The following MYO16 variants were observed in gnomAD, a reference collection of about 807,000 sequenced individuals.
MYO16 encodes unconventional myosin-XVI.
Under a neutral mutation model 205.3 loss-of-function variants are expected in MYO16, and 94 were observed. The ratio of observed to expected loss-of-function variants is 0.46; its 90% CI spans 0.39 to 0.54. MYO16 has a LOEUF of 0.54. Ranked by LOEUF, MYO16 falls within the 20% of genes least tolerant of loss-of-function variation. The pLI, the probability that MYO16 is intolerant of heterozygous loss-of-function variation, is 0.00. For synonymous variants in MYO16, 988 were observed against 954.0 expected (o/e 1.04, Z -0.66); for missense variants, 2,315 against 2,387.5 (o/e 0.97, Z 0.63).
intron 27 of MYO16, among the ~76,000 whole-genome samples, chr13:109,078,005 C>T (rs1216794340): frequency 6.6e-6 from 1 of 152,056 alleles, no homozygotes; most frequent in Non-Finnish European, 1.5e-5. Flanking sequence ...GTTTCTATTA[C>T]TATCTCTTCA....
the MYO16 span, among the ~76,000 whole-genome samples, chr13:108,575,137 G>A: frequency 6.6e-6 from 1 of 152,166 alleles, no homozygotes; most frequent in Non-Finnish European, 1.5e-5. Context: ...ATCCTATGAT[G>A]ACCTTTGAAT....
Position 108,749,170 on chromosome 13 carries a change from GA to G in MYO16, c.507+21589del, listed in dbSNP as rs1192241179. 5.3e-5 allele frequency among the ~76,000 whole-genome samples: 8 copies of G among 151,758 alleles called. No homozygotes were observed. The South Asian group carries it at 8.3e-4, about 16-fold the overall frequency. ...ACAAACTTATTATTTTTTGCAGTGA[GA>G]ACACTGAAAATATTAGCAATCCTCA... On this transcript the variant is annotated intron_variant, in intron 4 of 34. Transcript: ENST00000457511.
chr13:109,045,708 C>G (rs1183307287), intron 23 of MYO16, among the ~76,000 whole-genome samples: 1 of 152,148 alleles, frequency 6.6e-6, no homozygotes, highest in Admixed American at 6.5e-5. Flanking sequence ...GTGGCAGATG[C>G]AAATATAAAA....
intron 32 of MYO16, among the ~76,000 whole-genome samples, chr13:109,146,631 AC>A (rs1369067041): frequency 4.6e-5 from 7 of 152,038 alleles, no homozygotes; most frequent in African/African-American, 1.4e-4. Flanking sequence ...TACAAAAAAA[AC>A]AATAATGATA....
chr13:108,991,739 A>G (rs936771928), intron 20 of MYO16, among the ~76,000 whole-genome samples: 1 of 152,238 alleles, frequency 6.6e-6, no homozygotes, highest in African/African-American at 2.4e-5. Context: ...GCATAGCATG[A>G]GAAGACACAA....
chr13:108,718,215 T>C (rs1405459069), intron 3 of MYO16, among the ~76,000 whole-genome samples: 1 of 152,156 alleles, frequency 6.6e-6, no homozygotes, highest in Non-Finnish European at 1.5e-5. Flanking sequence ...AGAAATATCT[T>C]ATTTTTAAAA....
chr13:109,157,361 C>T (rs1452052729), intron 32 of MYO16, among the ~76,000 whole-genome samples: 1 of 152,060 alleles, frequency 6.6e-6, no homozygotes, highest in African/African-American at 2.4e-5. Flanking sequence ...GCTCCCACTT[C>T]CCGGTGCGGA....
chr13:109,045,900 A>G (rs427329), intron 23 of MYO16, among the ~76,000 whole-genome samples: 2 of 152,084 alleles, frequency 1.3e-5, no homozygotes, highest in African/African-American at 2.4e-5. Context: ...CATCCATACT[A>G]CCTCATGGGT....
chr13:109,104,347 T>C (rs1162325564), intron 28 of MYO16, among the ~76,000 whole-genome samples: 1 of 152,186 alleles, frequency 6.6e-6, no homozygotes, highest in East Asian at 1.9e-4. Context: ...CAGTGTCTTT[T>C]TTATGTTTAT....
chr13:109,169,336 T>A (rs1433418404), intron 33 of MYO16, among the ~76,000 whole-genome samples: 4 of 151,838 alleles, frequency 2.6e-5, no homozygotes, highest in Non-Finnish European at 4.4e-5. Flanking sequence ...ATGATAGTGA[T>A]AATAAGAACA....
At chr13:108,869,696 A>T (rs112863698) in intron 12 of MYO16, among the ~76,000 whole-genome samples, 1 of 135,028 alleles carries the variant, frequency 7.4e-6, no homozygotes. Context: ...GTGCCACTGC[A>T]CTCCAGCCTG....
At chr13:108,570,521 A>G in the MYO16 span, among the ~76,000 whole-genome samples, 1 of 152,206 alleles carries the variant, frequency 6.6e-6, no homozygotes. Context: ...AAGTGCTGAA[A>G]TTATAGATGT....
the MYO16 span, among the ~76,000 whole-genome samples, chr13:108,507,401 G>A: frequency 6.6e-6 from 1 of 151,592 alleles, no homozygotes; most frequent in Non-Finnish European, 1.5e-5. Flanking sequence ...TAATATTCTT[G>A]CTTGCTAGGT....
chr13:108,633,109 C>A (rs1420000915), intron 1 of MYO16, among the ~76,000 whole-genome samples: 1 of 152,118 alleles, frequency 6.6e-6, no homozygotes, highest in Non-Finnish European at 1.5e-5. Flanking sequence ...AATGAATATT[C>A]TCCAGAGCTG....
chr13:108,717,793 C>T (rs1231189240), intron 3 of MYO16, among the ~76,000 whole-genome samples: 1 of 151,880 alleles, frequency 6.6e-6, no homozygotes, highest in East Asian at 1.9e-4. Context: ...ATCTTGAAGA[C>T]CAGATAAGAA....
chr13:108,743,947 A>G (rs1884984307), intron 4 of MYO16, among the ~76,000 whole-genome samples: 6 of 152,176 alleles, frequency 3.9e-5, no homozygotes, highest in Admixed American at 3.3e-4. Context: ...CCTTTTCATC[A>G]CTTCAATTTC....
chr13:108,744,226 G>T (rs1044463254), intron 4 of MYO16, among the ~76,000 whole-genome samples: 1 of 152,034 alleles, frequency 6.6e-6, no homozygotes, highest in Non-Finnish European at 1.5e-5. Context: ...ACTAAGAAAC[G>T]ATTGATTTTT....
At chr13:108,579,273 C>T in the MYO16 span, among the ~76,000 whole-genome samples, 5 of 152,062 alleles carry the variant, frequency 3.3e-5, no homozygotes, top group Non-Finnish European at 5.9e-5. Flanking sequence ...TCACCATTGC[C>T]TTGCAATAAC....
rs563134876 is a variant in MYO16, at chr13:108,700,507, A to C, written c.293-12154A>C. ...CAGCAGCCTTGCAATCTTGGCAGCC[A>C]CGAAAACCAGCAGCCTCGGAGCCAC... On this transcript the variant is annotated intron_variant, in intron 2 of 34. Transcript: ENST00000457511. Among the ~76,000 whole-genome samples, 9 of 152,260 alleles carry C rather than the reference A, an allele frequency of 5.9e-5. No individual in the cohort carries two copies. The South Asian group carries it at 1.9e-3, about 32-fold the overall frequency.
Sources: gnomAD v4.1 joint callset for allele counts (sites outside exome capture counted in the v4.1 genomes callset) on GRCh38, gnomAD v4.1.1 for gene constraint, MANE v1.5 for transcripts, NCBI Gene and HGNC (gene_info 2026-07-23, HGNC 2026-07-21) for gene names.